The following EPHA8 variants were observed in gnomAD, a reference collection of about 807,000 sequenced individuals.
The protein encoded by EPHA8 is ephrin type-A receptor 8.
A neutral mutation model predicts 103.6 loss-of-function variants in EPHA8; 58 were observed. The observed-to-expected ratio is 0.56, with a 90% CI of 0.45 to 0.70. The LOEUF is 0.70. EPHA8 is among the 30% of genes least tolerant of loss of function. The pLI, the probability that EPHA8 is intolerant of heterozygous loss-of-function variation, is 0.00. For synonymous variants in EPHA8, 559 were observed against 572.5 expected, an observed-to-expected ratio of 0.98 and a Z score of 0.34; for missense variants, 1,304 against 1,395.2, an observed-to-expected ratio of 0.93 and a Z score of 1.04.
intron 3 of EPHA8, among the ~76,000 whole-genome samples, chr1:22,583,018 C>G (rs1641088370): frequency 1.3e-5 from 2 of 152,244 alleles, no homozygotes; most frequent in Admixed American, 1.3e-4. Context: ...CAGCGGACAC[C>G]TTATTTGTCA....
At chr1:22,578,436 GTGTGTGCA>G (rs372559571) in intron 3 of EPHA8, among the ~76,000 whole-genome samples, 9,796 of 131,830 alleles carry the variant, frequency 0.074, 1,059 homozygotes, top group African/African-American at 0.25. Flanking sequence ...GTATGTGTAC[GTGTGTGCA>G]TGTGTGCGAG....
At chr1:22,600,549 G>C (rs1373464250) in intron 13 of EPHA8, 112 bp from the exon 14 acceptor site, 2 of 1,414,762 alleles carry the variant, frequency 1.4e-6, no homozygotes, top group East Asian at 4.6e-5. Context: ...GGGCTGTGTT[G>C]TCCCTCTGGA....
Position 22,591,701 on chromosome 1 carries a change from A to G in EPHA8, c.1316-1625A>G, listed in dbSNP as rs144879676. Among the ~76,000 whole-genome samples, 96 of 152,202 alleles carry G rather than the reference A, an allele frequency of 6.3e-4. No homozygotes were observed. The South Asian group carries it at 0.011, about 18-fold the overall frequency. On this transcript the variant is annotated intron_variant, in intron 5 of 16. Transcript: ENST00000166244. ...TTCCCTGGCTCACTCTCTTCTGGCC[A>G]TGATGGTCTCCGGTGCCCCCTCCTT...
intron 3 of EPHA8, among the ~76,000 whole-genome samples, chr1:22,579,354 C>CGT (rs76802750): frequency 0.24 from 34,592 of 145,710 alleles, 3,993 homozygotes; most frequent in South Asian, 0.3. Flanking sequence ...TGTATGTATG[C>CGT]GTGTGTGTAT....
intron 3 of EPHA8, among the ~76,000 whole-genome samples, chr1:22,585,496 C>T (rs1302300715): frequency 6.6e-6 from 1 of 152,200 alleles, no homozygotes; most frequent in African/African-American, 2.4e-5. Context: ...TTTACCCTTC[C>T]ATCACCTTAG....
chr1:22,597,852 G>A lies in EPHA8; in HGVS notation c.2107G>A (p.Val703Ile), dbSNP rs755476945. 27 of 1,608,056 alleles carry A rather than the reference G, an allele frequency of 1.7e-5. No individual in the cohort carries two copies. Among genetic ancestry groups the A allele is most frequent in the South Asian group, 1.1e-4 (10 of 90,182 alleles). Residue 703 changes from valine (V) to isoleucine (I), a missense_variant, in exon 11 of 17, where the codon GTC (valine) becomes ATC (isoleucine). Coordinates refer to ENST00000166244, the MANE Select transcript of EPHA8 (RefSeq NM_020526.5). This position sits in a 1 kb window ranked among gnomAD's most constrained non-coding sequence, Gnocchi z 4.6. ...CAACATCATCCGCCTCGAGGGTGTCGTCACCCGTGGTAGGTGCCGGGCAAA... is the reference window on the plus strand; with the variant it reads ...CAACATCATCCGCCTCGAGGGTGTCATCACCCGTGGTAGGTGCCGGGCAAA... ...HPNIIRLEGVVTRGRLAMIVT... is the reference protein window; with the variant it reads ...HPNIIRLEGVITRGRLAMIVT...
rs969409374 is a variant in EPHA8 at position 22,570,295 on chromosome 1, CAT to C, written c.159+943_159+944del. Among the ~76,000 whole-genome samples, 420 of 151,266 alleles carry C rather than the reference CAT, an allele frequency of 2.8e-3. 2 individuals are homozygous for C. The highest frequency in any genetic ancestry group is 9.7e-3 in the African/African-American group (398 of 40,998). On this transcript the variant is annotated intron_variant, in intron 2 of 16. Transcript: ENST00000166244. ...ACACACATGCACGCGCGTACACACA[CAT>C]GCACACGTGTGCGTGTACACACATG...
chr1:22,600,191 AGGAAAGGAGGGAGGGAGGAAGGTG>A (rs879634355), intron 13 of EPHA8, among the ~76,000 whole-genome samples: 3,382 of 125,322 alleles, frequency 0.027, 42 homozygotes, highest in South Asian at 0.042. Context: ...GAAGGAGGGA[AGGAAAGGAGGGAGGGAGGAAGGTG>A]GGAGGGAAAG....
rs760111800 is a variant in EPHA8, at chr1:22,601,128, C to T, written c.2729+40C>T. On this transcript the variant is annotated intron_variant, in intron 15 of 16. Coordinates refer to ENST00000166244, the MANE Select transcript of EPHA8 (RefSeq NM_020526.5). ...CCCCAGCTCCTTGAGGCCCAGCTGC[C>T]TCCCAGTATTGCCCCAGATCTGTCC... The T allele has an allele frequency of 3.2e-6, 5 of 1,576,272 alleles. No individual in the cohort carries two copies. In the African/African-American group the frequency reaches 6.7e-5, roughly 21 times the overall value.
chr1:22,565,071 C>T (rs927514076), intron 1 of EPHA8, among the ~76,000 whole-genome samples: 8 of 151,738 alleles, frequency 5.3e-5, no homozygotes, highest in African/African-American at 1.7e-4. Flanking sequence ...CAGCCACACA[C>T]ACAGAAATGA....
chr1:22,593,502 A>G (rs376592875), intron 6 of EPHA8, 22 bp from the exon 7 acceptor site: 117 of 1,610,366 alleles, frequency 7.3e-5, no homozygotes, highest in Non-Finnish European at 9.8e-5. Flanking sequence ...GGCAGGGCCC[A>G]CTGACCACCG....
At chr1:22,580,006 G>A (rs1640997916) in intron 3 of EPHA8, among the ~76,000 whole-genome samples, 1 of 152,086 alleles carries the variant, frequency 6.6e-6, no homozygotes, top group Non-Finnish European at 1.5e-5. Flanking sequence ...GGTGGGGATG[G>A]AGTCCAGCTG....
In EPHA8 at chr1:22,576,686, A is replaced by G. The variant is rs1640712921; in HGVS notation, c.629A>G (p.Asn210Ser). 3.1e-6 allele frequency: 5 copies of G among 1,613,658 alleles called. No homozygotes were observed. The highest frequency in any genetic ancestry group is 1.7e-5 in the Admixed American group (1 of 60,006). ...YYKKCPAMVR[N>S]LAAFSEAVTG... ...AAGAAGTGCCCTGCCATGGTGCGCA[A>G]TCTGGCTGCCTTCTCGGAGGCAGTG... is the stretch of plus-strand genomic sequence containing the variant. Residue 210 changes from asparagine (N) to serine (S), a missense_variant, in exon 3 of 17, where the codon AAT becomes AGT. By Grantham distance (46) the Asn-to-Ser change is conservative. Coordinates refer to ENST00000166244, the MANE Select transcript of EPHA8 (RefSeq NM_020526.5). This position sits in a 1 kb window ranked among gnomAD's most constrained non-coding sequence, Gnocchi z 4.8.
At chr1:22,566,637 G>C (rs1640367317) in intron 1 of EPHA8, among the ~76,000 whole-genome samples, 1 of 152,178 alleles carries the variant, frequency 6.6e-6, no homozygotes, top group South Asian at 2.1e-4. Context: ...TTTGGTAAGC[G>C]GGGAGATGGG....
intron 3 of EPHA8, among the ~76,000 whole-genome samples, chr1:22,577,729 G>C (rs1003193195): frequency 3.3e-5 from 5 of 151,248 alleles, no homozygotes; most frequent in Non-Finnish European, 7.4e-5. Context: ...CAGGAGCAAG[G>C]CATGCAGACG....
chr1:22,588,274 C>A (rs1182963997), intron 4 of EPHA8, among the ~76,000 whole-genome samples: 2 of 152,052 alleles, frequency 1.3e-5, no homozygotes, highest in African/African-American at 4.8e-5. Context: ...AGACCCCCAG[C>A]CCCACGTCCT....
intron 2 of EPHA8, among the ~76,000 whole-genome samples, chr1:22,570,805 C>T (rs898784080): frequency 1.4e-4 from 22 of 152,252 alleles, no homozygotes; most frequent in African/African-American, 4.6e-4. Flanking sequence ...TGAGCGCGGA[C>T]GCCAGGTTCT....
chr1:22,591,357 T>C (rs967836176), intron 5 of EPHA8, among the ~76,000 whole-genome samples: 2 of 151,676 alleles, frequency 1.3e-5, no homozygotes, highest in Non-Finnish European at 2.9e-5. Context: ...CCCAAGTAGC[T>C]GACCAAGGGC....
chr1:22,597,408 G>A lies in EPHA8; in HGVS notation c.1862G>A (p.Arg621Gln), dbSNP rs756831723. 1.4e-5 allele frequency: 23 copies of A among 1,613,420 alleles called. No individual in the cohort carries two copies. Among genetic ancestry groups the A allele is most frequent in the Admixed American group, 8.3e-5 (5 of 60,006 alleles). Residue 621 changes from arginine (R) to glutamine (Q), a missense_variant, in exon 10 of 17, where the codon CGG becomes CAG. Coordinates refer to ENST00000166244, the MANE Select transcript of EPHA8 (RefSeq NM_020526.5). This position sits in a 1 kb window ranked among gnomAD's most constrained non-coding sequence, Gnocchi z 4.6. Reference sequence around the variant, plus strand: ...CCCCACACCTACGAGGAGCCAGGCCGGGCGGGCCGCAGTTTCACTCGGGAG... The same window carrying A: ...CCCCACACCTACGAGGAGCCAGGCCAGGCGGGCCGCAGTTTCACTCGGGAG... ...AEPHTYEEPG[R>Q]AGRSFTREIE...
Sources: gnomAD v4.1 joint callset for allele counts (sites outside exome capture counted in the v4.1 genomes callset) on GRCh38, gnomAD v4.1.1 for gene constraint, Gnocchi (gnomAD v3.1) non-coding constraint, MANE v1.5 for transcripts, NCBI Gene and HGNC (gene_info 2026-07-23, HGNC 2026-07-21) for gene names.